The following SMYD2 variants were observed in gnomAD, a reference collection of about 807,000 sequenced individuals.
The protein encoded by SMYD2 is SET and MYND domain containing 2.
A neutral mutation model predicts 59.1 loss-of-function variants in SMYD2; 53 were observed. The ratio of observed to expected loss-of-function variants is 0.90; its 90% CI spans 0.72 to 1.13. The LOEUF is 1.13. Among genes scored for constraint, SMYD2 ranks in the 50% most tolerant of loss-of-function variants. The probability of loss-of-function intolerance (pLI) is 0.00; values close to 1 mark genes in which losing one functional copy is unlikely to be tolerated. For synonymous variants in SMYD2, 208 were observed against 198.8 expected (o/e 1.05, Z -0.39); for missense variants, 494 against 544.7 (o/e 0.91, Z 0.93).
chr1:214,287,688 G>A (rs1656573421), intron 1 of SMYD2, among the ~76,000 whole-genome samples: 1 of 150,918 alleles, frequency 6.6e-6, no homozygotes, highest in Admixed American at 6.6e-5. Context: ...TCTGGGATTA[G>A]TTTTCAGTAT....
chr1:214,293,436 A>T (rs929944742), intron 1 of SMYD2, among the ~76,000 whole-genome samples: 2 of 152,150 alleles, frequency 1.3e-5, no homozygotes, highest in Admixed American at 6.5e-5. Flanking sequence ...CAATAATTTA[A>T]TATTTACATT....
chr1:214,319,210 C>T (rs1352175286), intron 5 of SMYD2, among the ~76,000 whole-genome samples: 2 of 152,264 alleles, frequency 1.3e-5, no homozygotes, highest in African/African-American at 4.8e-5. Context: ...GTAGGAAATT[C>T]GCCTCTGCCT....
chr1:214,320,607 CAG>C (rs1198479757), intron 5 of SMYD2, among the ~76,000 whole-genome samples: 1 of 152,154 alleles, frequency 6.6e-6, no homozygotes, highest in South Asian at 2.1e-4. Context: ...GCCTAGGCAA[CAG>C]AGAGAGACCC....
chr1:214,307,016 G>GA (rs1160251550), intron 2 of SMYD2, among the ~76,000 whole-genome samples: 3 of 152,110 alleles, frequency 2.0e-5, no homozygotes, highest in Non-Finnish European at 4.4e-5. Flanking sequence ...ACTAAAAATA[G>GA]AAAAAAATTA....
In SMYD2 at chr1:214,334,321, C is replaced by T. The variant is rs768506964; in HGVS notation, c.1221+13C>T. The T allele has an allele frequency of 4.3e-6, 7 of 1,611,246 alleles. No homozygotes were observed. Among genetic ancestry groups the T allele is most frequent in the African/African-American group, 1.3e-5 (1 of 74,876 alleles). ...AGCCCTGAAGAAGGTATGTCTGTAA[C>T]TCGGCCTTAGGATTCCCAGTGGCCA... On this transcript the variant is annotated intron_variant, in intron 11 of 11. Coordinates refer to ENST00000366957, the MANE Select transcript of SMYD2 (RefSeq NM_020197.3).
At chr1:214,327,754 AG>A in intron 7 of SMYD2, 30 bp downstream of exon 7, 1 of 1,581,714 alleles carries the variant, frequency 6.3e-7, no homozygotes, top group Non-Finnish European at 8.7e-7. Context: ...TGGCTGCAGC[AG>A]GGGGCTTGAG....
chr1:214,303,574 G>GT lies in SMYD2; in HGVS notation c.174-1608dup, dbSNP rs536695628. 7.4e-4 allele frequency among the ~76,000 whole-genome samples: 113 copies of GT among 152,256 alleles called. 1 individual carries two copies. In the South Asian group the frequency reaches 0.02, roughly 27 times the overall value. On this transcript the variant is annotated intron_variant, in intron 1 of 11. Transcript: ENST00000366957. ...TATTTATGCCTCAACCCCAAGACGC[G>GT]TTTTTCTCCCACATTCTTCAGTCTG... is the stretch of plus-strand genomic sequence containing the variant.
intron 6 of SMYD2, among the ~76,000 whole-genome samples, chr1:214,325,954 C>T (rs193017239): frequency 6.6e-6 from 1 of 151,826 alleles, no homozygotes; most frequent in Non-Finnish European, 1.5e-5. Flanking sequence ...CTGCCGGGCA[C>T]GCCTTACAGG....
At chr1:214,287,586 C>CAAAAAAAAAAAAAAAA in intron 1 of SMYD2, among the ~76,000 whole-genome samples, 1 of 75,536 alleles carries the variant, frequency 1.3e-5, no homozygotes. Context: ...GACTATGTCT[C>CAAAAAAAAAAAAAAAA]AAAAAAAAAA....
At chr1:214,313,130 T>A (rs1657025195) in intron 2 of SMYD2, among the ~76,000 whole-genome samples, 1 of 151,560 alleles carries the variant, frequency 6.6e-6, no homozygotes, top group Non-Finnish European at 1.5e-5. Flanking sequence ...TTTATTTTTA[T>A]TTTTGAGACA....
chr1:214,314,782 C>G lies in SMYD2; in HGVS notation c.258C>G (p.His86Gln). 1 of 1,614,038 alleles carries G rather than the reference C, an allele frequency of 6.2e-7. No individual in the cohort carries two copies. Among genetic ancestry groups the G allele is most frequent in the South Asian group, 1.1e-5 (1 of 91,054 alleles). Residue 86 changes from histidine (H) to glutamine (Q), a missense_variant, in exon 3 of 12, where the codon CAC becomes CAG. His to Gln is a conservative substitution (Grantham distance 24). Transcript: ENST00000366957. ...VECQKEDWPM[H>Q]KLECSPMVVF... ...CCCAGAAAGAAGATTGGCCCATGCA[C>G]AAGCTGGAATGTTCTCCCATGGTTG...
chr1:214,310,547 A>G (rs1235901829), intron 2 of SMYD2, among the ~76,000 whole-genome samples: 1 of 149,712 alleles, frequency 6.7e-6, no homozygotes, highest in Admixed American at 6.6e-5. Flanking sequence ...AGTTTACAGA[A>G]AATTTTATAA....
At chr1:214,321,116 C>T (rs1007355917) in intron 5 of SMYD2, among the ~76,000 whole-genome samples, 12 of 152,108 alleles carry the variant, frequency 7.9e-5, no homozygotes, top group Non-Finnish European at 1.8e-4. Context: ...AGTTACAGGA[C>T]CATATTTTCA....
intron 1 of SMYD2, among the ~76,000 whole-genome samples, chr1:214,291,796 T>A (rs896379453): frequency 6.6e-6 from 1 of 152,104 alleles, no homozygotes; most frequent in Non-Finnish European, 1.5e-5. Context: ...TTAGGTCCAA[T>A]GAATTGGCAA....
chr1:214,309,486 T>A (rs10864093), intron 2 of SMYD2, among the ~76,000 whole-genome samples: 40,240 of 152,106 alleles, frequency 0.26, 5,588 homozygotes, highest in East Asian at 0.47. Context: ...CTCTAATGAA[T>A]GTAAAGAAGA....
intron 2 of SMYD2, among the ~76,000 whole-genome samples, chr1:214,310,236 G>T (rs1397203310): frequency 1.3e-5 from 2 of 152,192 alleles, no homozygotes; most frequent in Non-Finnish European, 2.9e-5. Context: ...AAGCATTTTT[G>T]ACTGTGCACG....
intron 1 of SMYD2, among the ~76,000 whole-genome samples, chr1:214,282,056 T>G (rs886650492): frequency 4.6e-5 from 7 of 152,190 alleles, no homozygotes; most frequent in African/African-American, 1.7e-4. Context: ...GGTTTGGGAT[T>G]AGGAAAACAT....
At chr1:214,291,043 A>C (rs142250188) in intron 1 of SMYD2, among the ~76,000 whole-genome samples, 1 of 152,330 alleles carries the variant, frequency 6.6e-6, no homozygotes, top group African/African-American at 2.4e-5. Flanking sequence ...AATAAGACAC[A>C]TTTAATTATG....
intron 8 of SMYD2, 100 bp from the exon 9 acceptor site, chr1:214,330,850 T>C: frequency 6.4e-7 from 1 of 1,557,806 alleles, no homozygotes; most frequent in Non-Finnish European, 8.7e-7. Flanking sequence ...AATGGGCCAG[T>C]GTCGACCGCT....
Sources: gnomAD v4.1 joint callset for allele counts (sites outside exome capture counted in the v4.1 genomes callset) on GRCh38, gnomAD v4.1.1 for gene constraint, MANE v1.5 for transcripts, NCBI Gene and HGNC (gene_info 2026-07-23, HGNC 2026-07-21) for gene names.